MGST1: variants seen among roughly 807,000 people sequenced by gnomAD.
MGST1 encodes the protein microsomal glutathione S-transferase 1, also known as glutathione S-transferase 12.
In MGST1, 5 loss-of-function variants were observed where a neutral mutation model predicts 8.9. The observed-to-expected ratio is 0.56, with a 90% confidence interval of 0.29 to 1.19. The LOEUF is 1.19. Among genes scored for constraint, MGST1 ranks in the 50% most tolerant of loss-of-function variants. The pLI is 0.08. For synonymous variants in MGST1, 54 were observed against 67.8 expected (o/e 0.80, Z 1.00); for missense variants, 182 against 187.4 (o/e 0.97, Z 0.17).
rs186228257 is a variant in MGST1 at position 16,391,191 on chromosome 12, G to A, written n.778+7587G>A. Reference sequence around the variant, plus strand: ...AAGTTCTGGGATACATGTGCAGAACGAGCAGGTTTGTTATGTAGGTATACA... The same window carrying A: ...AAGTTCTGGGATACATGTGCAGAACAAGCAGGTTTGTTATGTAGGTATACA... On this transcript the variant is annotated intron_variant and non_coding_transcript_variant, in intron 1 of 1. Transcript: ENST00000359720. Among the ~76,000 whole-genome samples, 663 of 148,432 alleles carry A rather than the reference G, an allele frequency of 4.5e-3. 4 individuals are homozygous for A. Among genetic ancestry groups the A allele is most frequent in the African/African-American group, 0.016 (638 of 40,184 alleles).
At position 16,489,800 on chromosome 12, in the gene MGST1, A is replaced by T. The variant is rs1303877080; in HGVS notation, n.483-99728A>T. Reference sequence around the variant, plus strand: ...AGAATCACCAACTATGGTAGAATTGAATTGTTGTGCCCAGTTATTTTCTAC... The same window carrying T: ...AGAATCACCAACTATGGTAGAATTGTATTGTTGTGCCCAGTTATTTTCTAC... On this transcript the variant is annotated intron_variant and non_coding_transcript_variant, in intron 4 of 4. Transcript: ENST00000538857. 2.0e-5 allele frequency among the ~76,000 whole-genome samples: 3 copies of T among 152,122 alleles called. No homozygotes were observed. In the East Asian group the frequency reaches 5.8e-4, roughly 29 times the overall value.
intron 3 of MGST1, among the ~76,000 whole-genome samples, chr12:16,371,801 C>T (rs868676038): frequency 6.6e-6 from 1 of 151,976 alleles, no homozygotes; most frequent in Non-Finnish European, 1.5e-5. Flanking sequence ...TCTTAGCTCA[C>T]AAAGTCTAAA....
At chr12:16,426,690 G>A (rs890435530) in intron 1 of MGST1, among the ~76,000 whole-genome samples, 12 of 152,108 alleles carry the variant, frequency 7.9e-5, no homozygotes, top group African/African-American at 2.4e-4. Context: ...CGTGGCTCAC[G>A]CCTGTAATCC....
At chr12:16,400,915 C>A in intron 1 of MGST1, 1 of 1,265,558 alleles carries the variant, frequency 7.9e-7, no homozygotes, top group African/African-American at 1.5e-5. Flanking sequence ...TGTGAGCTTT[C>A]TGAATCTCCT....
At chr12:16,418,974 T>C (rs1940809419) in intron 1 of MGST1, among the ~76,000 whole-genome samples, 3 of 152,150 alleles carry the variant, frequency 2.0e-5, no homozygotes, top group Admixed American at 6.5e-5. Context: ...GAGTCCTAAA[T>C]TGGAAGAAGA....
rs189699502 is a variant in MGST1, at chr12:16,547,484, G to A, written n.483-42044G>A. On this transcript the variant is annotated intron_variant and non_coding_transcript_variant, in intron 4 of 4. Transcript: ENST00000538857. This position sits in a 1 kb window ranked among gnomAD's most constrained non-coding sequence, Gnocchi z 4.6. ...GCTGGAGAGGTAGAAGATGCTATTC[G>A]CTTTTGTGTGCTCATTATTAGCAGG... Among the ~76,000 whole-genome samples the A allele has an allele frequency of 1.3e-3, 199 of 152,106 alleles. 1 individual carries two copies. The highest frequency in any genetic ancestry group is 4.5e-3 in the African/African-American group (187 of 41,494).
chr12:16,492,357 C>G (rs1565464040), intron 4 of MGST1, among the ~76,000 whole-genome samples: 2 of 152,118 alleles, frequency 1.3e-5, no homozygotes, highest in South Asian at 2.1e-4. Context: ...ACCTAACAGG[C>G]TCTCAGAAAG....
At chr12:16,354,149 C>G in intron 1 of MGST1, 82 bp from the exon 2 acceptor site, 1 of 957,274 alleles carries the variant, frequency 1.0e-6, no homozygotes, top group South Asian at 1.9e-5. Context: ...ATTAATGCTG[C>G]AATATAAGAA....
upstream of MGST1, among the ~76,000 whole-genome samples, chr12:16,382,412 C>G (rs1169858390): frequency 1.3e-5 from 2 of 152,204 alleles, no homozygotes; most frequent in African/African-American, 4.8e-5. Flanking sequence ...ACTCCAGACC[C>G]TGTTTGCCTG....
chr12:16,507,513 A>G (rs1202117438), intron 4 of MGST1, among the ~76,000 whole-genome samples: 1 of 152,164 alleles, frequency 6.6e-6, no homozygotes, highest in Non-Finnish European at 1.5e-5. Flanking sequence ...GGGAATGAAG[A>G]GGAGGAATGG....
downstream of MGST1, among the ~76,000 whole-genome samples, chr12:16,438,946 G>A (rs779510453): frequency 3.3e-5 from 5 of 151,792 alleles, no homozygotes; most frequent in Middle Eastern, 3.2e-3. Context: ...AACTACTGGG[G>A]GCAGTATTTA....
intron 4 of MGST1, among the ~76,000 whole-genome samples, chr12:16,534,673 G>A (rs1447372534): frequency 1.3e-5 from 2 of 152,084 alleles, no homozygotes; most frequent in African/African-American, 4.8e-5. Context: ...TGGGCTTTGG[G>A]TTTTTATTTT....
chr12:16,538,520 G>C (rs914379781), intron 4 of MGST1, among the ~76,000 whole-genome samples: 2 of 151,870 alleles, frequency 1.3e-5, no homozygotes, highest in Non-Finnish European at 2.9e-5. Context: ...ACATACCTGA[G>C]ACTAGGAAGA....
At chr12:16,527,193 A>G (rs888542248) in intron 4 of MGST1, among the ~76,000 whole-genome samples, 4 of 152,052 alleles carry the variant, frequency 2.6e-5, no homozygotes, top group African/African-American at 9.7e-5. Flanking sequence ...TTCCACTATC[A>G]TATATCTGGT....
intron 4 of MGST1, among the ~76,000 whole-genome samples, chr12:16,579,184 T>G (rs1019645790): frequency 6.6e-6 from 1 of 152,140 alleles, no homozygotes; most frequent in Non-Finnish European, 1.5e-5. Flanking sequence ...TATATATATA[T>G]TCCCTTAGAT....
chr12:16,506,808 C>A (rs911266400), intron 4 of MGST1, among the ~76,000 whole-genome samples: 1 of 152,182 alleles, frequency 6.6e-6, no homozygotes, highest in Admixed American at 6.5e-5. Flanking sequence ...AACACAATTT[C>A]AGCATGTTAT....
At position 16,586,951 on chromosome 12, in the gene MGST1, C is replaced by T. The variant is rs565470074; in HGVS notation, n.483-2577C>T. On this transcript the variant is annotated intron_variant and non_coding_transcript_variant, in intron 4 of 4. Transcript: ENST00000538857. The surrounding 1 kb of genome is among the most constrained non-coding windows in gnomAD (Gnocchi z 4.3). ...AGAGTCATGTGATAGCTTAAAAACACATGCTTTATCATCATTCAGTAGCAG... is the reference window on the plus strand; with the variant it reads ...AGAGTCATGTGATAGCTTAAAAACATATGCTTTATCATCATTCAGTAGCAG... Among the ~76,000 whole-genome samples the T allele has an allele frequency of 1.6e-4, 25 of 152,286 alleles. No homozygotes were observed. Among genetic ancestry groups the T allele is most frequent in the Admixed American group, 1.2e-3 (18 of 15,294 alleles).
intron 1 of MGST1, among the ~76,000 whole-genome samples, chr12:16,391,456 G>C (rs1420223842): frequency 6.6e-6 from 1 of 151,972 alleles, no homozygotes; most frequent in East Asian, 1.9e-4. Flanking sequence ...TGAGAATGAT[G>C]ATTTCCAGCT....
At chr12:16,424,308 A>G (rs1940866592) in intron 1 of MGST1, among the ~76,000 whole-genome samples, 1 of 152,210 alleles carries the variant, frequency 6.6e-6, no homozygotes, top group African/African-American at 2.4e-5. Flanking sequence ...CCTTCCTGAA[A>G]GAACTTTGGA....
Sources: allele counts gnomAD v4.1 joint callset (sites outside exome capture counted in the v4.1 genomes callset), GRCh38; gene constraint gnomAD v4.1.1; non-coding constraint Gnocchi (gnomAD v3.1); transcripts MANE v1.5; gene names NCBI Gene and HGNC (gene_info 2026-07-23, HGNC 2026-07-21).